Variants in TASOR2 observed in about 807,000 individuals in gnomAD.
The protein encoded by TASOR2 is transcription activation suppressor family member 2.
TASOR2 carries 84 observed loss-of-function variants against 199.5 expected under a neutral mutation model. That is an observed-to-expected ratio of 0.42 (90% CI 0.35 to 0.50). The LOEUF (loss-of-function observed/expected upper bound fraction) is 0.50. Among genes scored for constraint, TASOR2 ranks in the 20% least tolerant of loss-of-function variants. TASOR2 has a pLI of 0.02. For synonymous variants in TASOR2, 1,103 were observed against 1,046.6 expected (o/e 1.05, Z -1.04); for missense variants, 2,796 against 2,835.9 (o/e 0.99, Z 0.32).
At chr10:5,749,636 G>T in exon 15 of TASOR2, 3 of 1,614,186 alleles carry the variant, frequency 1.9e-6, no homozygotes, top group Non-Finnish European at 2.5e-6. Flanking sequence ...TGGAGAGAGA[G>T]ATGTAGTCAT....
intron 14 of TASOR2, among the ~76,000 whole-genome samples, chr10:5,743,379 G>T (rs934976172): frequency 2.0e-5 from 3 of 152,206 alleles, no homozygotes; most frequent in Non-Finnish European, 2.9e-5. Flanking sequence ...CTGTGTGCCA[G>T]AAAGTAAGAG....
Position 5,747,725 on chromosome 10 carries a change from GCAAC to G in TASOR2, c.4308_4311del (p.Asn1436LysfsTer10). 2 of 1,614,150 alleles carry G rather than the reference GCAAC, an allele frequency of 1.2e-6. No homozygotes were observed. The highest frequency in any genetic ancestry group is 1.7e-6 in the Non-Finnish European group (2 of 1,180,024). On this transcript the variant is annotated frameshift_variant, in exon 15 of 21. Coordinates refer to ENST00000328090, the Ensembl canonical transcript of TASOR2. LOFTEE classifies it high-confidence loss of function. ...CTTCATGGTACACAGTGTGAGAAGA[GCAAC>G]CAAATCTCCCAATGTGAGTCAGAAG...
Position 5,687,133 on chromosome 10 carries a change from G to A in TASOR2, c.-288+1958G>A, listed in dbSNP as rs1333884563. 6.6e-6 allele frequency among the ~76,000 whole-genome samples: 1 copy of A among 152,060 alleles called. No homozygotes were observed. The highest frequency in any genetic ancestry group is 1.5e-5 in the Non-Finnish European group (1 of 67,992). On this transcript the variant is annotated intron_variant, in intron 1 of 20. Coordinates refer to ENST00000328090, the Ensembl canonical transcript of TASOR2. This position sits in a 1 kb window ranked among gnomAD's most constrained non-coding sequence, Gnocchi z 4.8. ...TAATATGTACTGACAAAGCGTATCTGTGTAATAAATATGCTTTTTGTCAGT... is the reference window on the plus strand; with the variant it reads ...TAATATGTACTGACAAAGCGTATCTATGTAATAAATATGCTTTTTGTCAGT...
intron 18 of TASOR2, among the ~76,000 whole-genome samples, chr10:5,759,652 T>C (rs1263337291): frequency 1.3e-5 from 2 of 152,254 alleles, no homozygotes; most frequent in East Asian, 1.9e-4. Flanking sequence ...AATGCAGAAC[T>C]GAAGCAGAGT....
At chr10:5,697,241 C>G (rs1006180351) in intron 1 of TASOR2, among the ~76,000 whole-genome samples, 1 of 152,074 alleles carries the variant, frequency 6.6e-6, no homozygotes. Context: ...GGGCAGAGAA[C>G]GAGGTGCTAG....
rs1284531743 is a variant in TASOR2 at position 5,750,308 on chromosome 10, AAC to A, written c.6606+285_6606+286del. On this transcript the variant is annotated intron_variant, in intron 15 of 20. Coordinates refer to ENST00000328090, the Ensembl canonical transcript of TASOR2. This position sits in a 1 kb window ranked among gnomAD's most constrained non-coding sequence, Gnocchi z 5.4. ...TGCCCATACTTCAAGTGTAAATACAAACACATTCCGATGTTAAAATACAGATT... is the reference window on the plus strand; with the variant it reads ...TGCCCATACTTCAAGTGTAAATACAAACATTCCGATGTTAAAATACAGATT... Among the ~76,000 whole-genome samples the A allele has an allele frequency of 6.6e-6, 1 of 152,262 alleles. No individual in the cohort carries two copies. Among genetic ancestry groups the A allele is most frequent in the Non-Finnish European group, 1.5e-5 (1 of 68,050 alleles).
chr10:5,753,423 C>T (rs1321563726), intron 15 of TASOR2, among the ~76,000 whole-genome samples: 4 of 152,152 alleles, frequency 2.6e-5, no homozygotes, highest in East Asian at 1.9e-4. Flanking sequence ...AGTGCAGTGG[C>T]GCGATCTCGG....
At chr10:5,731,089 G>A in exon 11 of TASOR2, 1 of 1,613,886 alleles carries the variant, frequency 6.2e-7, no homozygotes, top group Non-Finnish European at 8.5e-7. Context: ...GAGTAAAAAG[G>A]TGAACTTGTG....
intron 1 of TASOR2, among the ~76,000 whole-genome samples, chr10:5,696,931 T>G (rs1286152506): frequency 3.3e-5 from 5 of 152,028 alleles, no homozygotes; most frequent in Non-Finnish European, 5.9e-5. Context: ...GTTTAGATAA[T>G]AAAGCTGAAG....
At chr10:5,735,950 C>T (rs1835507562) in intron 12 of TASOR2, among the ~76,000 whole-genome samples, 1 of 152,132 alleles carries the variant, frequency 6.6e-6, no homozygotes, top group Admixed American at 6.6e-5. Context: ...CCAAAACTGT[C>T]AGTAATCCAG....
Position 5,749,590 on chromosome 10 carries a change from G to C in TASOR2, c.6169G>C (p.Gly2057Arg), listed in dbSNP as rs201298628. 1.5e-4 allele frequency: 241 copies of C among 1,613,988 alleles called. No individual in the cohort carries two copies. The highest frequency in any genetic ancestry group is 1.8e-4 in the Non-Finnish European group (215 of 1,180,042). The change falls in exon 15 of 21, where the codon GGC becomes CGC. Residue 2057 changes from glycine (G) to arginine (R), a missense_variant. Gly to Arg is a moderately radical substitution (Grantham distance 125, BLOSUM62 -2). Around this residue, in one of 3 missense-constraint regions of TASOR2, gnomAD observed 1,941 missense variants for 1,924.9 expected, o/e 1.01. Transcript: ENST00000328090. ...CAGACCACAGGGGCAGCCCAGGAGAGGCTACACAGCCAGCAGTCTGGACAG... is the reference window on the plus strand; with the variant it reads ...CAGACCACAGGGGCAGCCCAGGAGACGCTACACAGCCAGCAGTCTGGACAG...
intron 1 of TASOR2, among the ~76,000 whole-genome samples, chr10:5,688,885 C>T (rs1023737503): frequency 2.6e-5 from 4 of 151,936 alleles, no homozygotes; most frequent in African/African-American, 7.3e-5. Context: ...CACCTGTGTT[C>T]CCAGCTACTT....
At chr10:5,727,040 T>C in intron 9 of TASOR2, 21 bp from the exon 11 acceptor site, 1 of 1,614,106 alleles carries the variant, frequency 6.2e-7, no homozygotes, top group Non-Finnish European at 8.5e-7. Context: ...CTTTTCTTCT[T>C]CTGATTCTCA....
chr10:5,714,197 TC>T (rs1832301665), intron 2 of TASOR2: 2 of 1,231,716 alleles, frequency 1.6e-6, no homozygotes, highest in South Asian at 8.2e-5. Flanking sequence ...CTCTGGGTGA[TC>T]CAGCCAAAGG....
At chr10:5,697,234 C>T (rs1837271780) in intron 1 of TASOR2, among the ~76,000 whole-genome samples, 1 of 152,180 alleles carries the variant, frequency 6.6e-6, no homozygotes. Context: ...AGAATGGGGG[C>T]AGAGAACGAG....
intron 2 of TASOR2, 92 bp downstream of exon 2, chr10:5,713,010 C>T (rs1275217630): frequency 1.6e-6 from 1 of 628,120 alleles, no homozygotes; most frequent in Admixed American, 4.4e-5. Flanking sequence ...ATTACCAATT[C>T]ATCAGTGTTT....
At chr10:5,693,116 G>T (rs1042858794) in intron 1 of TASOR2, among the ~76,000 whole-genome samples, 1 of 152,202 alleles carries the variant, frequency 6.6e-6, no homozygotes, top group Non-Finnish European at 1.5e-5. Flanking sequence ...CTTTGGCAGG[G>T]TCAGTGAGGC....
In TASOR2 at chr10:5,739,939, C is replaced by T. The variant is rs115926957; in HGVS notation, c.1769C>T (p.Thr590Ile). Residue 590 changes from threonine to isoleucine, a missense_variant, in exon 13 of 21, where the codon ACT becomes ATT. Thr to Ile is a moderately conservative substitution (Grantham distance 89, BLOSUM62 -1). Coordinates refer to ENST00000328090, the Ensembl canonical transcript of TASOR2. ...CATGAATATCATAGAGGAGTTAAAACTCAAAAAGGTGAATTACTACCTAAC... is the reference window on the plus strand; with the variant it reads ...CATGAATATCATAGAGGAGTTAAAATTCAAAAAGGTGAATTACTACCTAAC... 1,948 of 1,614,026 alleles carry T rather than the reference C, an allele frequency of 1.2e-3. 28 individuals are homozygous for T. In the African/African-American group the frequency reaches 0.023, roughly 19 times the overall value.
intron 2 of TASOR2, 83 bp downstream of exon 3, chr10:5,714,290 T>C: frequency 7.1e-6 from 6 of 849,336 alleles, no homozygotes; most frequent in African/African-American, 1.7e-5. Flanking sequence ...TTATAAGATA[T>C]GTATATTAAA....
Sources: gnomAD v4.1 joint callset for allele counts (sites outside exome capture counted in the v4.1 genomes callset) on GRCh38, gnomAD v4.1.1 for gene constraint, gnomAD v4.1.1 regional missense constraint, Gnocchi (gnomAD v3.1) non-coding constraint, MANE v1.5 for transcripts, NCBI Gene and HGNC (gene_info 2026-07-23, HGNC 2026-07-21) for gene names.